Variants in C21orf91 observed in about 807,000 individuals in gnomAD.
The protein encoded by C21orf91 is protein EURL homolog.
A neutral mutation model predicts 32.9 loss-of-function variants in C21orf91; 26 were observed. The observed-to-expected ratio is 0.79, with a 90% CI of 0.58 to 1.10. The LOEUF (loss-of-function observed/expected upper bound fraction) is 1.10, where lower values mean the gene tolerates loss of function less well. Ranked by LOEUF, C21orf91 falls within the 50% of genes least tolerant of loss-of-function variation. The pLI is 0.00. For synonymous variants in C21orf91, 126 were observed against 120.4 expected, an observed-to-expected ratio of 1.05 and a Z score of -0.31; for missense variants, 310 against 341.3, an observed-to-expected ratio of 0.91 and a Z score of 0.72.
At chr21:17,800,064 T>G (rs1026104093) in intron 2 of C21orf91, among the ~76,000 whole-genome samples, 1 of 152,188 alleles carries the variant, frequency 6.6e-6, no homozygotes, top group Non-Finnish European at 1.5e-5. Context: ...ATGGCATTCC[T>G]GTGGCATCAT....
intron 3 of C21orf91, among the ~76,000 whole-genome samples, chr21:17,796,317 A>G (rs574856660): frequency 6.6e-6 from 1 of 152,336 alleles, no homozygotes; most frequent in South Asian, 2.1e-4. Flanking sequence ...AGATGTTCCA[A>G]TTCACAGTTT....
rs962025536 is a variant in C21orf91, at chr21:17,790,451, C to T, written c.*2964G>A. The T allele has an allele frequency of 6.6e-6, 1 of 152,010 alleles. No individual in the cohort carries two copies. Among genetic ancestry groups the T allele is most frequent in the South Asian group, 2.1e-4 (1 of 4,832 alleles). The allele number at this position is 152,010 out of a possible 1,614,324, so 9.4% of individuals were successfully genotyped here. On this transcript the variant is annotated 3_prime_UTR_variant, in exon 5 of 5. Coordinates refer to ENST00000284881, the MANE Select transcript of C21orf91 (RefSeq NM_001100420.2). ...AAAAACCAAATCTCAAGATGCCTGTCAAGATATATTTGACTATATATTTTG... is the reference window on the plus strand; with the variant it reads ...AAAAACCAAATCTCAAGATGCCTGTTAAGATATATTTGACTATATATTTTG...
rs950128230 is a variant in C21orf91 at position 17,792,031 on chromosome 21, A to G, written c.*1384T>C. The G allele has an allele frequency of 6.6e-6, 1 of 152,192 alleles. No individual in the cohort carries two copies. The highest frequency in any genetic ancestry group is 1.5e-5 in the Non-Finnish European group (1 of 68,008). 9.4% of individuals were successfully genotyped at this position (152,192 alleles called of 1,614,324 possible). A position where few individuals can be genotyped will look rare whatever the true frequency, so the allele number is the denominator to read the frequency against. ...GCCAAATTTAAGGCAAATGTCATTT[A>G]TATCTTTATGCATGAAGCTGCCACG... is the stretch of plus-strand genomic sequence containing the variant. On this transcript the variant is annotated 3_prime_UTR_variant, in exon 5 of 5. Coordinates refer to ENST00000284881, the MANE Select transcript of C21orf91 (RefSeq NM_001100420.2).
At position 17,792,594 on chromosome 21, in the gene C21orf91, CTGGTG is replaced by C; in HGVS notation, c.*816_*820del. ...TCCAAATTCTAATGCATCACAGTCACTGGTGTGAAGCTAATAATGAAAGAAGCAAG... is the reference window on the plus strand; with the variant it reads ...TCCAAATTCTAATGCATCACAGTCACTGAAGCTAATAATGAAAGAAGCAAG... On this transcript the variant is annotated 3_prime_UTR_variant, in exon 5 of 5. Transcript: ENST00000284881. 1 of 151,976 alleles carries C rather than the reference CTGGTG, an allele frequency of 6.6e-6. No individual in the cohort carries two copies. Among genetic ancestry groups the C allele is most frequent in the Admixed American group, 6.6e-5 (1 of 15,264 alleles). 9.4% of individuals were successfully genotyped at this position (151,976 alleles called of 1,614,324 possible).
chr21:17,790,373 AAAC>A lies in C21orf91; in HGVS notation c.*3039_*3041del, dbSNP rs1258705537. ...GTAAACACTAAGGTAAAAAATATAT[AAAC>A]AACATAAAGAAAACACAAAACCATT... is the stretch of plus-strand genomic sequence containing the variant. On this transcript the variant is annotated 3_prime_UTR_variant, in exon 5 of 5. Transcript: ENST00000284881. The A allele has an allele frequency of 1.3e-5, 2 of 152,132 alleles. No individual in the cohort carries two copies. The highest frequency in any genetic ancestry group is 4.8e-5 in the African/African-American group (2 of 41,444). 9.4% of individuals were successfully genotyped at this position (152,132 alleles called of 1,614,324 possible).
chr21:17,794,505 C>T lies in C21orf91; in HGVS notation c.727+703G>A, dbSNP rs112743063. Among the ~76,000 whole-genome samples, 376 of 152,280 alleles carry T rather than the reference C, an allele frequency of 2.5e-3. 10 individuals carry two copies. The East Asian group carries it at 0.068, about 28-fold the overall frequency. On this transcript the variant is annotated intron_variant, in intron 4 of 4. Transcript: ENST00000284881. The stretch of plus-strand genomic sequence containing the variant: ...ATTTGTTTGAAAATAATCCATGCTA[C>T]TGGTAGTGCAATGGGAATGGATGCA...
At chr21:17,800,918 G>A (rs1568751505) in intron 2 of C21orf91, among the ~76,000 whole-genome samples, 1 of 152,100 alleles carries the variant, frequency 6.6e-6, no homozygotes, top group Non-Finnish European at 1.5e-5. Context: ...TGGAGAGGAT[G>A]TGGAGAAATA....
At chr21:17,818,388 T>G in intron 1 of C21orf91, 63 bp from the exon 2 acceptor site, 1 of 1,354,844 alleles carries the variant, frequency 7.4e-7, no homozygotes, top group Non-Finnish European at 1.0e-6. Context: ...GGTAGTTCCC[T>G]TTACTGGGAA....
rs1477004693 is a variant in C21orf91 at position 17,814,249 on chromosome 21, A to G, written c.127+3943T>C. ...GCTGCCTTCCTCTTTGCCATTCCTT[A>G]GGGAATGGTAGTGAGTTGGTCATTA... On this transcript the variant is annotated intron_variant, in intron 2 of 4. Coordinates refer to ENST00000284881, the MANE Select transcript of C21orf91 (RefSeq NM_001100420.2). Among the ~76,000 whole-genome samples the G allele has an allele frequency of 5.3e-5, 8 of 152,086 alleles. No homozygotes were observed. In the East Asian group the frequency reaches 1.5e-3, roughly 29 times the overall value.
rs1283100052 is a variant in C21orf91 at position 17,790,417 on chromosome 21, A to G, written c.*2998T>C. On this transcript the variant is annotated 3_prime_UTR_variant, in exon 5 of 5. Coordinates refer to ENST00000284881, the MANE Select transcript of C21orf91 (RefSeq NM_001100420.2). ...CAAAACCATTTTCAGTCATAAATATAGTAAAATGAAAAACCAAATCTCAAG... is the reference window on the plus strand; with the variant it reads ...CAAAACCATTTTCAGTCATAAATATGGTAAAATGAAAAACCAAATCTCAAG... 14 of 152,166 alleles carry G rather than the reference A, an allele frequency of 9.2e-5. No homozygotes were observed. Among genetic ancestry groups the G allele is most frequent in the Admixed American group, 9.2e-4 (14 of 15,282 alleles). The allele number at this position is 152,166 out of a possible 1,614,324, so 9.4% of individuals were successfully genotyped here.
intron 2 of C21orf91, among the ~76,000 whole-genome samples, chr21:17,808,367 C>T (rs1368295090): frequency 6.6e-6 from 1 of 152,208 alleles, no homozygotes; most frequent in Non-Finnish European, 1.5e-5. Flanking sequence ...TATGGAAATG[C>T]CTGGATGTCC....
intron 2 of C21orf91, among the ~76,000 whole-genome samples, chr21:17,797,636 A>G (rs2062529803): frequency 6.6e-6 from 1 of 151,526 alleles, no homozygotes; most frequent in East Asian, 1.9e-4. Context: ...AAATTCAATA[A>G]ACTATTTAGA....
chr21:17,805,729 A>G (rs576655411), intron 2 of C21orf91, among the ~76,000 whole-genome samples: 4 of 152,360 alleles, frequency 2.6e-5, no homozygotes, highest in Non-Finnish European at 4.4e-5. Context: ...AATTAACATT[A>G]TGTTACAAAA....
chr21:17,817,869 AAC>A (rs1301855882), intron 2 of C21orf91: 1 of 195,604 alleles, frequency 5.1e-6, no homozygotes, highest in Non-Finnish European at 1.0e-5. Flanking sequence ...TAATATAAAA[AAC>A]ACACAGGTCT....
intron 2 of C21orf91, among the ~76,000 whole-genome samples, chr21:17,814,470 GAA>G (rs2062652613): frequency 6.6e-6 from 1 of 152,110 alleles, no homozygotes; most frequent in Non-Finnish European, 1.5e-5. Flanking sequence ...CTGCTATAAA[GAA>G]ATACCTGAGA....
In C21orf91 at chr21:17,803,836, A is replaced by G. The variant is rs189564197; in HGVS notation, c.128-6718T>C. On this transcript the variant is annotated intron_variant, in intron 2 of 4. Coordinates refer to ENST00000284881, the MANE Select transcript of C21orf91 (RefSeq NM_001100420.2). ...ATAAAGGAAAAGCCCTGTGGGTAGA[A>G]GTGGCACTCCCACGGACTGAAAGCT... Among the ~76,000 whole-genome samples the G allele has an allele frequency of 1.8e-4, 27 of 152,338 alleles. No homozygotes were observed. In the East Asian group the frequency reaches 5.2e-3, roughly 29 times the overall value.
At chr21:17,812,342 T>C (rs1027418396) in intron 2 of C21orf91, among the ~76,000 whole-genome samples, 1 of 152,102 alleles carries the variant, frequency 6.6e-6, no homozygotes, top group Non-Finnish European at 1.5e-5. Flanking sequence ...TATTTTCAAG[T>C]TGCTATGGTG....
At chr21:17,805,546 T>G (rs2062588714) in intron 2 of C21orf91, among the ~76,000 whole-genome samples, 1 of 152,174 alleles carries the variant, frequency 6.6e-6, no homozygotes, top group South Asian at 2.1e-4. Flanking sequence ...ACTCCTGATA[T>G]CAGGTGACCC....
chr21:17,812,800 C>T (rs2062641135), intron 2 of C21orf91, among the ~76,000 whole-genome samples: 1 of 149,924 alleles, frequency 6.7e-6, no homozygotes, highest in South Asian at 2.1e-4. Flanking sequence ...CAGAGCGAGA[C>T]TCCATCTTGG....
Sources: allele counts gnomAD v4.1 joint callset (sites outside exome capture counted in the v4.1 genomes callset), GRCh38; gene constraint gnomAD v4.1.1; transcripts MANE v1.5; gene names NCBI Gene and HGNC (gene_info 2026-07-23, HGNC 2026-07-21).